Variants in SOX5 observed in about 807,000 individuals in gnomAD.
SOX5 encodes transcription factor SOX-5.
SOX5 carries 9 observed loss-of-function variants against 92.0 expected under a neutral mutation model. The observed-to-expected ratio is 0.10, with a 90% confidence interval of 0.06 to 0.17. The LOEUF (loss-of-function observed/expected upper bound fraction) is 0.17, where lower values mean the gene tolerates loss of function less well. Ranked by LOEUF, SOX5 falls within the 10% of genes least tolerant of loss-of-function variation. The probability of loss-of-function intolerance (pLI) is 1.00; values close to 1 mark genes in which losing one functional copy is unlikely to be tolerated. For missense variants in SOX5, 642 were observed against 944.5 expected, an observed-to-expected ratio of 0.68 and a Z score of 4.20; for synonymous variants, 344 against 336.3, an observed-to-expected ratio of 1.02 and a Z score of -0.25.
At chr12:23,643,330 G>A (rs1355606796) in intron 7 of SOX5, among the ~76,000 whole-genome samples, 1 of 152,178 alleles carries the variant, frequency 6.6e-6, no homozygotes, top group African/African-American at 2.4e-5. Flanking sequence ...ACTGCCAGGT[G>A]GGGCCTAAAG....
intron 4 of SOX5, among the ~76,000 whole-genome samples, chr12:24,110,839 T>TGCA (rs1947244511): frequency 7.3e-6 from 1 of 137,426 alleles, no homozygotes. Flanking sequence ...AGGCGGAGCT[T>TGCA]GCAGTGAGTT....
chr12:24,339,480 C>G (rs1460403034), intron 2 of SOX5, among the ~76,000 whole-genome samples: 1 of 152,158 alleles, frequency 6.6e-6, no homozygotes, highest in Non-Finnish European at 1.5e-5. Flanking sequence ...TATGAGGTCA[C>G]AGAGGAAGCC....
At chr12:23,843,646 C>T (rs2096543719) in intron 3 of SOX5, among the ~76,000 whole-genome samples, 2 of 144,458 alleles carry the variant, frequency 1.4e-5, no homozygotes, top group African/African-American at 5.1e-5. Context: ...TCACTGCAAC[C>T]TCCCCCTCCC....
intron 9 of SOX5, among the ~76,000 whole-genome samples, chr12:23,577,526 T>C (rs550310271): frequency 2.0e-5 from 3 of 152,060 alleles, no homozygotes; most frequent in Admixed American, 2.0e-4. Context: ...AGTGGCTTAA[T>C]ATTATTAGAT....
intron 2 of SOX5, among the ~76,000 whole-genome samples, chr12:24,318,517 CAG>C (rs1949918588): frequency 6.6e-6 from 1 of 152,174 alleles, no homozygotes; most frequent in Non-Finnish European, 1.5e-5. Flanking sequence ...ATCTTTTGAA[CAG>C]AGAGACATGC....
intron 2 of SOX5, among the ~76,000 whole-genome samples, chr12:24,360,827 C>T (rs909306436): frequency 4.6e-5 from 7 of 152,136 alleles, no homozygotes; most frequent in South Asian, 4.1e-4. Flanking sequence ...CATCCATTTT[C>T]GCCTGAAACC....
At chr12:24,372,103 TA>T (rs1555257602) in intron 1 of SOX5, among the ~76,000 whole-genome samples, 1 of 152,176 alleles carries the variant, frequency 6.6e-6, no homozygotes, top group Non-Finnish European at 1.5e-5. Flanking sequence ...TAGGTCTTTT[TA>T]AAAGGTGAAA....
At chr12:23,947,483 A>T (rs1338919208) in intron 1 of SOX5, among the ~76,000 whole-genome samples, 2 of 151,972 alleles carry the variant, frequency 1.3e-5, no homozygotes, top group Non-Finnish European at 2.9e-5. Context: ...ACTCACCCGT[A>T]CAAATTCAAT....
intron 8 of SOX5, among the ~76,000 whole-genome samples, chr12:23,608,969 A>C (rs778425869): frequency 1.3e-5 from 2 of 152,190 alleles, no homozygotes; most frequent in Non-Finnish European, 2.9e-5. Flanking sequence ...ATGAGACTAT[A>C]AGTATACTGT....
chr12:23,948,626 GA>G (rs1945006623), intron 1 of SOX5, among the ~76,000 whole-genome samples: 1 of 150,050 alleles, frequency 6.7e-6, no homozygotes, highest in African/African-American at 2.5e-5. Context: ...TCACCATACA[GA>G]ATACAAAGTT....
chr12:24,203,647 C>T (rs893933384), intron 4 of SOX5, among the ~76,000 whole-genome samples: 1 of 152,154 alleles, frequency 6.6e-6, no homozygotes, highest in Admixed American at 6.5e-5. Context: ...TCCTAGGAGA[C>T]ATTTGAATCA....
At position 23,575,753 on chromosome 12, in the gene SOX5, A is replaced by T. The variant is rs1949007566; in HGVS notation, c.1250T>A (p.Met417Lys). ...KSPTSPTSPHMPALRINSGAG... is the reference protein window; with the variant it reads ...KSPTSPTSPHKPALRINSGAG... ...CCCACTGTTTATTCTCAGAGCTGGC[A>T]TATGGGGAGAGGTGGGTGATGTGGG... The change falls in exon 10 of 15, where the codon ATG becomes AAG. Residue 417 changes from methionine to lysine, a missense_variant. Physicochemically the swap from Met to Lys is moderately conservative, Grantham distance 95. Around this residue, in one of 8 missense-constraint regions of SOX5, gnomAD observed 324 missense variants for 461.6 expected, o/e 0.70. Transcript: ENST00000451604. 1 of 1,613,744 alleles carries T rather than the reference A, an allele frequency of 6.2e-7. No individual in the cohort carries two copies. The highest frequency in any genetic ancestry group is 8.5e-7 in the Non-Finnish European group (1 of 1,179,806).
At chr12:23,791,255 T>C (rs1463373486) in intron 3 of SOX5, among the ~76,000 whole-genome samples, 1 of 152,202 alleles carries the variant, frequency 6.6e-6, no homozygotes, top group African/African-American at 2.4e-5. Flanking sequence ...GTCTCAGATA[T>C]TGTTTTCCTG....
At chr12:24,451,381 T>C (rs931286775) in intron 1 of SOX5, among the ~76,000 whole-genome samples, 3 of 152,208 alleles carry the variant, frequency 2.0e-5, no homozygotes, top group African/African-American at 7.2e-5. Context: ...CAAACAGTTC[T>C]CCATAGTGGT....
At chr12:24,540,087 T>C (rs1489393486) in intron 1 of SOX5, among the ~76,000 whole-genome samples, 1 of 152,094 alleles carries the variant, frequency 6.6e-6, no homozygotes, top group African/African-American at 2.4e-5. Context: ...ATACACATAC[T>C]TACAGATCAG....
At chr12:23,645,411 A>G (rs181497334) in intron 7 of SOX5, among the ~76,000 whole-genome samples, 3 of 152,346 alleles carry the variant, frequency 2.0e-5, no homozygotes, top group South Asian at 2.1e-4. Context: ...TAATACTCCA[A>G]TCTTGAGATC....
At chr12:24,524,498 C>G (rs932234380) in intron 1 of SOX5, among the ~76,000 whole-genome samples, 1 of 150,464 alleles carries the variant, frequency 6.6e-6, no homozygotes, top group Admixed American at 6.6e-5. Context: ...ATAGAAGAAA[C>G]GTTTTCAATT....
In SOX5 at chr12:24,407,839, C is replaced by T. The variant is rs567237939; in HGVS notation, c.-250-39200G>A. The stretch of plus-strand genomic sequence containing the variant: ...TAAAATGCTCCAAATCCAGGAACAA[C>T]GTATAGAAAAGAGGAAACGTAGTAG... On this transcript the variant is annotated intron_variant, in intron 1 of 4. Transcript: ENST00000446891. Among the ~76,000 whole-genome samples the T allele has an allele frequency of 4.3e-4, 66 of 152,248 alleles. 1 individual carries two copies. Among genetic ancestry groups the T allele is most frequent in the Non-Finnish European group, 1.5e-4 (10 of 68,024 alleles).
intron 4 of SOX5, among the ~76,000 whole-genome samples, chr12:24,189,367 C>T (rs903515117): frequency 6.6e-6 from 1 of 152,162 alleles, no homozygotes; most frequent in Non-Finnish European, 1.5e-5. Flanking sequence ...AGGGCTCTTT[C>T]TCATATTCCA....
Sources: gnomAD v4.1 joint callset for allele counts (sites outside exome capture counted in the v4.1 genomes callset) on GRCh38, gnomAD v4.1.1 for gene constraint, gnomAD v4.1.1 regional missense constraint, MANE v1.5 for transcripts, NCBI Gene and HGNC (gene_info 2026-07-23, HGNC 2026-07-21) for gene names.